MEI1: variants seen among roughly 807,000 people sequenced by gnomAD.
MEI1 encodes the protein meiotic double-stranded break formation protein 1, also known as meiosis inhibitor protein 1.
Under a neutral mutation model 146.2 loss-of-function variants are expected in MEI1, and 103 were observed. The observed-to-expected ratio is 0.70, with a 90% CI of 0.60 to 0.83. MEI1 has a LOEUF of 0.83. Ranked by LOEUF, MEI1 falls within the 40% of genes least tolerant of loss-of-function variation. The pLI, the probability that MEI1 is intolerant of heterozygous loss-of-function variation, is 0.00. For synonymous variants in MEI1, 652 were observed against 628.2 expected (o/e 1.04, Z -0.57); for missense variants, 1,529 against 1,533.0 (o/e 1.00, Z 0.04).
chr22:41,734,088 A>G (rs1601814691), intron 11 of MEI1, among the ~76,000 whole-genome samples: 2 of 152,168 alleles, frequency 1.3e-5, no homozygotes, highest in South Asian at 2.1e-4. Flanking sequence ...AGATCACACC[A>G]TTATACTCCA....
At chr22:41,721,833 G>A (rs1400063602) in intron 6 of MEI1, among the ~76,000 whole-genome samples, 1 of 140,312 alleles carries the variant, frequency 7.1e-6, no homozygotes, top group Non-Finnish European at 1.5e-5. Flanking sequence ...TGATTCTCCT[G>A]CCACAGCCTC....
intron 26 of MEI1, among the ~76,000 whole-genome samples, chr22:41,793,568 CT>C (rs2076267206): frequency 1.3e-5 from 2 of 152,232 alleles, no homozygotes; most frequent in African/African-American, 4.8e-5. Flanking sequence ...TCCCAAAGTG[CT>C]GGGATTACAG....
At chr22:41,759,173 A>G (rs1335635227) in intron 18 of MEI1, among the ~76,000 whole-genome samples, 2 of 151,678 alleles carry the variant, frequency 1.3e-5, no homozygotes, top group East Asian at 3.9e-4. Context: ...TAAAAATAAA[A>G]GGGCTGTTCT....
chr22:41,776,091 C>G lies in MEI1; in HGVS notation c.2545-11C>G, dbSNP rs771814341. ...ACCCTCTGATCTCTGGCTTTCTTCT[C>G]TCCTGCTCAGGACCTCATCTATTCC... is the stretch of plus-strand genomic sequence containing the variant. On this transcript the variant is annotated splice_polypyrimidine_tract_variant and intron_variant, in intron 20 of 30. Transcript: ENST00000401548. 1 of 1,613,256 alleles carries G rather than the reference C, an allele frequency of 6.2e-7. No homozygotes were observed. The highest frequency in any genetic ancestry group is 8.5e-7 in the Non-Finnish European group (1 of 1,179,410).
intron 26 of MEI1, among the ~76,000 whole-genome samples, chr22:41,789,476 T>C (rs895065831): frequency 8.5e-5 from 13 of 152,206 alleles, no homozygotes; most frequent in African/African-American, 2.7e-4. Flanking sequence ...GTTTTAATTG[T>C]AGTAAACTAT....
intron 3 of MEI1, among the ~76,000 whole-genome samples, chr22:41,712,703 G>GTGTGTGT (rs766760114): frequency 0.011 from 1,025 of 91,444 alleles, 7 homozygotes; most frequent in African/African-American, 0.04. Flanking sequence ...TGTGTGTGTG[G>GTGTGTGT]AGCAATATAT....
intron 16 of MEI1, chr22:41,753,468 C>T (rs1392641674): frequency 6.3e-6 from 1 of 157,990 alleles, no homozygotes; most frequent in Non-Finnish European, 1.4e-5. Context: ...CAGAGTGAGA[C>T]CTTGTTTCTA....
At position 41,738,916 on chromosome 22, in the gene MEI1, A is replaced by G. The variant is rs566386927; in HGVS notation, c.1332-4164A>G. Among the ~76,000 whole-genome samples, 7 of 152,070 alleles carry G rather than the reference A, an allele frequency of 4.6e-5. No individual in the cohort carries two copies. In the East Asian group the frequency reaches 1.4e-3, roughly 29 times the overall value. On this transcript the variant is annotated intron_variant, in intron 11 of 30. Transcript: ENST00000401548. ...TGGGAGTTTGAGGTTACAGTGAGCT[A>G]TGATCACACCGCTGCACTCCAGCCT...
At chr22:41,750,228 G>C (rs1215319689) in intron 15 of MEI1, among the ~76,000 whole-genome samples, 1 of 152,184 alleles carries the variant, frequency 6.6e-6, no homozygotes, top group Admixed American at 6.5e-5. Flanking sequence ...AGACAAAATT[G>C]AGCATTTAAT....
chr22:41,750,230 G>A (rs528550864), intron 15 of MEI1, among the ~76,000 whole-genome samples: 22 of 152,288 alleles, frequency 1.4e-4, no homozygotes, highest in African/African-American at 4.1e-4. Context: ...ACAAAATTGA[G>A]CATTTAATGG....
intron 5 of MEI1, among the ~76,000 whole-genome samples, chr22:41,717,125 A>G (rs1000582730): frequency 4.6e-5 from 7 of 152,110 alleles, no homozygotes; most frequent in Non-Finnish European, 1.0e-4. Context: ...GGATTTACCA[A>G]AGGGTAAATA....
chr22:41,784,581 T>G, intron 25 of MEI1, 27 bp from the exon 26 acceptor site: 1 of 1,608,062 alleles, frequency 6.2e-7, no homozygotes. Context: ...AGACAGGAAT[T>G]GGGTGTAAGG....
At chr22:41,719,366 T>C (rs1487679176) in intron 6 of MEI1, among the ~76,000 whole-genome samples, 2 of 152,170 alleles carry the variant, frequency 1.3e-5, no homozygotes, top group Non-Finnish European at 2.9e-5. Flanking sequence ...TTTATATTTT[T>C]AGTGGAAACG....
At chr22:41,785,811 G>A (rs1252717582) in intron 26 of MEI1, among the ~76,000 whole-genome samples, 3 of 151,574 alleles carry the variant, frequency 2.0e-5, no homozygotes, top group Non-Finnish European at 2.9e-5. Context: ...TGATCCACCC[G>A]CTTCAGCCTC....
intron 30 of MEI1, among the ~76,000 whole-genome samples, chr22:41,798,004 G>C (rs908029927): frequency 6.6e-6 from 1 of 152,076 alleles, no homozygotes; most frequent in African/African-American, 2.4e-5. Flanking sequence ...TTTGACCTCA[G>C]ATTTGCCTGT....
At chr22:41,718,528 G>T (rs1009358629) in intron 6 of MEI1, among the ~76,000 whole-genome samples, 3 of 152,134 alleles carry the variant, frequency 2.0e-5, no homozygotes, top group Non-Finnish European at 4.4e-5. Context: ...TGCCTGCCCT[G>T]GTGCATCCTG....
chr22:41,771,888 G>A (rs979800244), intron 20 of MEI1, among the ~76,000 whole-genome samples: 3 of 152,312 alleles, frequency 2.0e-5, no homozygotes, highest in African/African-American at 7.2e-5. Flanking sequence ...TTCACACATA[G>A]TAGGTACTTA....
chr22:41,745,683 G>T (rs1389903458), intron 13 of MEI1, among the ~76,000 whole-genome samples: 1 of 152,098 alleles, frequency 6.6e-6, no homozygotes, highest in East Asian at 1.9e-4. Context: ...TGGGGGAGGG[G>T]GTAGGGAGCA....
intron 6 of MEI1, among the ~76,000 whole-genome samples, chr22:41,720,630 C>T (rs887750204): frequency 6.7e-6 from 1 of 149,028 alleles, no homozygotes; most frequent in East Asian, 2.0e-4. Flanking sequence ...GAGTCTGGCA[C>T]AGTTGCCCAG....
Sources: allele counts gnomAD v4.1 joint callset (sites outside exome capture counted in the v4.1 genomes callset), GRCh38; gene constraint gnomAD v4.1.1; transcripts MANE v1.5; gene names NCBI Gene and HGNC (gene_info 2026-07-23, HGNC 2026-07-21).